Variants in FRMD4A observed in about 807,000 individuals in gnomAD.
The protein encoded by FRMD4A is FERM domain-containing protein 4A.
Under a neutral mutation model 129.1 loss-of-function variants are expected in FRMD4A, and 29 were observed. The observed-to-expected ratio is 0.22, with a 90% CI of 0.17 to 0.31. FRMD4A has a LOEUF of 0.31. Among genes scored for constraint, FRMD4A ranks in the 10% least tolerant of loss-of-function variants. The pLI is 1.00. For missense variants in FRMD4A, 1,272 were observed against 1,375.8 expected (o/e 0.92, Z 1.19); for synonymous variants, 634 against 571.6 (o/e 1.11, Z -1.56).
rs759046768 is a variant in FRMD4A, at chr10:13,657,153, G to GCCCCCCGCA, written c.2427_2435dup (p.Ala816_Gly818dup). On this transcript the variant is annotated inframe_insertion, in exon 22 of 25. Coordinates refer to ENST00000357447, the MANE Select transcript of FRMD4A (RefSeq NM_018027.5). ...ACACACCGCCCCCCGCGCCCCCCGC[G>GCCCCCCGCA]CCCCCCGCACCCCCGCGCGCCGCCA... 134 of 1,005,304 alleles carry GCCCCCCGCA rather than the reference G, an allele frequency of 1.3e-4. No individual in the cohort carries two copies. The highest frequency in any genetic ancestry group is 3.4e-4 in the Middle Eastern group (1 of 2,922). The allele number at this position is 1,005,304 out of a possible 1,614,324, so 62.3% of individuals were successfully genotyped here.
intron 15 of FRMD4A, among the ~76,000 whole-genome samples, chr10:13,681,411 A>G (rs565069984): frequency 6.6e-6 from 1 of 152,318 alleles, no homozygotes; most frequent in South Asian, 2.1e-4. Flanking sequence ...TATTCTAGGT[A>G]GAAGGGCGAG....
intron 2 of FRMD4A, among the ~76,000 whole-genome samples, chr10:14,099,513 C>T (rs908468467): frequency 3.3e-5 from 5 of 152,202 alleles, no homozygotes; most frequent in Admixed American, 6.5e-5. Context: ...GCATGCCCAA[C>T]TCCTACAATC....
chr10:14,219,318 C>T (rs915667468), intron 2 of FRMD4A, among the ~76,000 whole-genome samples: 7 of 152,072 alleles, frequency 4.6e-5, no homozygotes, highest in African/African-American at 1.7e-4. Flanking sequence ...CCCCTCTGCC[C>T]GATGCTTTTA....
At chr10:14,127,121 C>T (rs1211932888) in intron 2 of FRMD4A, among the ~76,000 whole-genome samples, 1 of 152,120 alleles carries the variant, frequency 6.6e-6, no homozygotes, top group Non-Finnish European at 1.5e-5. Context: ...ATGGACTGAC[C>T]ACAGGAGGGA....
At chr10:13,930,433 C>T (rs1565060175) in intron 2 of FRMD4A, among the ~76,000 whole-genome samples, 1 of 152,174 alleles carries the variant, frequency 6.6e-6, no homozygotes, top group Non-Finnish European at 1.5e-5. Context: ...ACTTGTCCTG[C>T]GTGAGCCTTT....
At chr10:13,725,074 C>T (rs1349604716) in intron 12 of FRMD4A, among the ~76,000 whole-genome samples, 1 of 152,222 alleles carries the variant, frequency 6.6e-6, no homozygotes, top group African/African-American at 2.4e-5. Flanking sequence ...TCATTCATGA[C>T]TCCCCTCTGG....
chr10:13,784,780 A>G (rs922996317), intron 5 of FRMD4A, among the ~76,000 whole-genome samples: 1 of 152,160 alleles, frequency 6.6e-6, no homozygotes, highest in African/African-American at 2.4e-5. Context: ...ACCTGAGGTC[A>G]GGAGTTCGAA....
chr10:14,235,404 T>C (rs1030960486), intron 2 of FRMD4A, among the ~76,000 whole-genome samples: 2 of 151,990 alleles, frequency 1.3e-5, no homozygotes, highest in African/African-American at 4.8e-5. Flanking sequence ...CACCTCGGTC[T>C]CCCAAAGTGC....
At chr10:14,120,545 C>T (rs1838447571) in intron 2 of FRMD4A, among the ~76,000 whole-genome samples, 2 of 152,166 alleles carry the variant, frequency 1.3e-5, no homozygotes, top group Admixed American at 6.5e-5. Flanking sequence ...ATTATTAATT[C>T]GTTGAATGAA....
At chr10:13,785,219 G>T (rs1005254533) in intron 5 of FRMD4A, among the ~76,000 whole-genome samples, 1 of 152,270 alleles carries the variant, frequency 6.6e-6, no homozygotes, top group South Asian at 2.1e-4. Flanking sequence ...TTTGAAATTG[G>T]TGAGTGAATT....
chr10:13,996,159 CACTA>C (rs1418708270), intron 2 of FRMD4A, among the ~76,000 whole-genome samples: 8 of 152,190 alleles, frequency 5.3e-5, no homozygotes, highest in Admixed American at 3.3e-4. Context: ...TTTATAAGGG[CACTA>C]ACTGTCTCCC....
intron 2 of FRMD4A, among the ~76,000 whole-genome samples, chr10:14,139,863 T>A (rs1328595928): frequency 6.6e-6 from 1 of 152,206 alleles, no homozygotes; most frequent in Admixed American, 6.5e-5. Flanking sequence ...TTTCTACATA[T>A]AATTTTTTTC....
chr10:14,159,424 A>G (rs1002079019), intron 2 of FRMD4A, among the ~76,000 whole-genome samples: 1 of 152,198 alleles, frequency 6.6e-6, no homozygotes, highest in African/African-American at 2.4e-5. Flanking sequence ...GAGGTGAAAG[A>G]CCTCTACAAA....
chr10:13,900,639 G>T (rs1030045830), intron 2 of FRMD4A, among the ~76,000 whole-genome samples: 1 of 152,164 alleles, frequency 6.6e-6, no homozygotes, highest in Non-Finnish European at 1.5e-5. Context: ...GCTCATGCCT[G>T]TAATCCCGGG....
At chr10:13,989,289 C>T (rs549432001) in intron 2 of FRMD4A, among the ~76,000 whole-genome samples, 2 of 152,254 alleles carry the variant, frequency 1.3e-5, no homozygotes, top group South Asian at 4.1e-4. Context: ...CATGTTGATT[C>T]TTCTGAACAA....
chr10:14,103,511 C>T (rs191209315), intron 2 of FRMD4A, among the ~76,000 whole-genome samples: 1 of 152,264 alleles, frequency 6.6e-6, no homozygotes, highest in African/African-American at 2.4e-5. Flanking sequence ...ACTTCCAAAA[C>T]AGCCCTGGAT....
At chr10:14,217,753 T>C (rs1843118624) in intron 2 of FRMD4A, among the ~76,000 whole-genome samples, 1 of 152,106 alleles carries the variant, frequency 6.6e-6, no homozygotes, top group African/African-American at 2.4e-5. Flanking sequence ...GGCCACCTTT[T>C]GAAAATTCTC....
chr10:14,319,801 A>G (rs1846905151), intron 2 of FRMD4A, among the ~76,000 whole-genome samples: 1 of 151,728 alleles, frequency 6.6e-6, no homozygotes, highest in African/African-American at 2.4e-5. Flanking sequence ...CCAACTGCCC[A>G]CCCTCCACCT....
chr10:13,789,591 T>C (rs77021027), intron 5 of FRMD4A, among the ~76,000 whole-genome samples: 2,567 of 76,346 alleles, frequency 0.034, 56 homozygotes, highest in African/African-American at 0.083. Flanking sequence ...CACACACACA[T>C]GACGCAGACT....
Sources: allele counts gnomAD v4.1 joint callset (sites outside exome capture counted in the v4.1 genomes callset), GRCh38; gene constraint gnomAD v4.1.1; transcripts MANE v1.5; gene names NCBI Gene and HGNC (gene_info 2026-07-23, HGNC 2026-07-21).